Variants in EPB41 observed in about 807,000 individuals in gnomAD.
The protein encoded by EPB41 is erythrocyte membrane protein band 4.1.
A neutral mutation model predicts 108.0 loss-of-function variants in EPB41; 65 were observed. The ratio of observed to expected loss-of-function variants is 0.60; its 90% confidence interval spans 0.49 to 0.74. The LOEUF (loss-of-function observed/expected upper bound fraction) is 0.74. EPB41 is among the 30% of genes least tolerant of loss of function. The pLI, the probability that EPB41 is intolerant of heterozygous loss-of-function variation, is 0.00. For synonymous variants in EPB41, 336 were observed against 358.9 expected (o/e 0.94, Z 0.72); for missense variants, 875 against 1,037.0 (o/e 0.84, Z 2.15).
chr1:28,984,488 C>G (rs2095828527), intron 1 of EPB41, among the ~76,000 whole-genome samples: 4 of 152,092 alleles, frequency 2.6e-5, no homozygotes, highest in Admixed American at 2.6e-4. Context: ...TGTTGTATTT[C>G]TAGCACGTAG....
At chr1:28,974,861 C>A (rs2095566893) in intron 1 of EPB41, among the ~76,000 whole-genome samples, 1 of 150,646 alleles carries the variant, frequency 6.6e-6, no homozygotes, top group Admixed American at 6.6e-5. Flanking sequence ...GTGGCGTGAT[C>A]TTGGCTCACT....
intron 16 of EPB41, among the ~76,000 whole-genome samples, chr1:29,095,016 T>C (rs1357643920): frequency 6.6e-6 from 1 of 152,244 alleles, no homozygotes; most frequent in Non-Finnish European, 1.5e-5. Context: ...TTATACTATA[T>C]TCTTTAGGGA....
chr1:29,037,984 C>G (rs1404766251), intron 10 of EPB41, among the ~76,000 whole-genome samples: 3 of 152,136 alleles, frequency 2.0e-5, no homozygotes, highest in African/African-American at 7.2e-5. Context: ...CACTCCTTCC[C>G]CCTACTTCCG....
At position 29,112,484 on chromosome 1, in the gene EPB41, TC is replaced by T. The variant is rs1403981047; in HGVS notation, c.2496+39del. On this transcript the variant is annotated intron_variant, in intron 19 of 20. Transcript: ENST00000343067. ...TGAAGAGATCTGGGCCTGGGAGGGG[TC>T]CCTGGGCAGGAAGACCGATGAATAC... 5 of 1,574,572 alleles carry T rather than the reference TC, an allele frequency of 3.2e-6. No individual in the cohort carries two copies. In the African/African-American group the frequency reaches 6.8e-5, roughly 21 times the overall value.
intron 1 of EPB41, among the ~76,000 whole-genome samples, chr1:28,985,296 G>GTATT (rs1256465105): frequency 6.6e-6 from 1 of 151,160 alleles, no homozygotes; most frequent in African/African-American, 2.4e-5. Context: ...TATGTGTCAG[G>GTATT]TACTGTTCTA....
chr1:29,072,659 T>C (rs1167211502), intron 16 of EPB41: 1 of 152,136 alleles, frequency 6.6e-6, no homozygotes, highest in Non-Finnish European at 1.5e-5. Flanking sequence ...CTTCTATCAA[T>C]AGGGTAAGAA....
chr1:28,992,427 G>A (rs779647747), intron 2 of EPB41, among the ~76,000 whole-genome samples: 17 of 152,178 alleles, frequency 1.1e-4, no homozygotes, highest in Non-Finnish European at 2.4e-4. Context: ...GGTTGCTCAC[G>A]CCTGTAATCC....
chr1:29,038,635 T>G (rs12049064), intron 10 of EPB41, among the ~76,000 whole-genome samples: 1 of 152,338 alleles, frequency 6.6e-6, no homozygotes, highest in East Asian at 1.9e-4. Flanking sequence ...GCCATGGTCT[T>G]TGTTCTTTAC....
intron 16 of EPB41, among the ~76,000 whole-genome samples, chr1:29,067,615 C>T (rs1351094782): frequency 3.4e-5 from 5 of 147,938 alleles, no homozygotes; most frequent in South Asian, 2.1e-4. Flanking sequence ...TGCAGTGAGC[C>T]GAGATCGCGC....
In EPB41 at chr1:28,971,725, A is replaced by G. The variant is rs182869414; in HGVS notation, c.-7-15706A>G. On this transcript the variant is annotated intron_variant, in intron 1 of 20. Coordinates refer to ENST00000343067, the MANE Select transcript of EPB41 (RefSeq NM_001376013.1). ...TATCTTTCTGAAAGAGCTAATCATCACTATAGACTTCAGTAGCCTATGAGG... is the reference window on the plus strand; with the variant it reads ...TATCTTTCTGAAAGAGCTAATCATCGCTATAGACTTCAGTAGCCTATGAGG... Among the ~76,000 whole-genome samples the G allele has an allele frequency of 3.8e-3, 573 of 152,302 alleles. 6 individuals carry two copies. The highest frequency in any genetic ancestry group is 0.013 in the African/African-American group (531 of 41,578).
intron 1 of EPB41, among the ~76,000 whole-genome samples, chr1:28,968,277 C>T (rs1340546811): frequency 6.6e-6 from 1 of 151,900 alleles, no homozygotes; most frequent in Non-Finnish European, 1.5e-5. Flanking sequence ...ATCTCTTGAA[C>T]CCGGGAGGTG....
Position 28,987,471 on chromosome 1 carries a change from G to A in EPB41, c.34G>A (p.Glu12Lys), listed in dbSNP as rs767272040. ...AGAGAAGAGTTTAGTGACTGAGGCC[G>A]AAAATTCACAGCACCAACAGAAGGA... ...TTEKSLVTEA[E>K]NSQHQQKEEG... The change falls in exon 2 of 21, where the codon GAA (glutamate) becomes AAA (lysine). Residue 12 changes from glutamate to lysine, a missense_variant. This residue lies in a region of EPB41 where 353 missense variants were observed against 393.2 expected (regional missense o/e 0.90). Coordinates refer to ENST00000343067, the MANE Select transcript of EPB41 (RefSeq NM_001376013.1). 11 of 1,613,938 alleles carry A rather than the reference G, an allele frequency of 6.8e-6. No individual in the cohort carries two copies. The highest frequency in any genetic ancestry group is 4.5e-5 in the East Asian group (2 of 44,890).
intron 1 of EPB41, among the ~76,000 whole-genome samples, chr1:28,947,947 TGCA>T: frequency 6.6e-6 from 1 of 152,350 alleles, no homozygotes; most frequent in Middle Eastern, 3.4e-3. Context: ...CTGACTAGAA[TGCA>T]TTTTGGTTTG....
At chr1:29,013,408 T>A (rs2096534300) in intron 5 of EPB41, among the ~76,000 whole-genome samples, 1 of 152,126 alleles carries the variant, frequency 6.6e-6, no homozygotes, top group African/African-American at 2.4e-5. Flanking sequence ...AAACACCATG[T>A]CCCTCACAAA....
At chr1:29,111,060 G>A (rs762713169) in intron 18 of EPB41, among the ~76,000 whole-genome samples, 21 of 151,970 alleles carry the variant, frequency 1.4e-4, no homozygotes, top group Non-Finnish European at 2.6e-4. Flanking sequence ...CCAGCTACTC[G>A]GGAGGCTTAG....
chr1:29,033,211 G>T lies in EPB41; in HGVS notation c.1331G>T (p.Arg444Leu). The change falls in exon 9 of 21, where the codon CGT (arginine) becomes CTT (leucine). Residue 444 changes from arginine to leucine, a missense_variant. Arg to Leu is a moderately radical substitution (Grantham distance 102). Coordinates refer to ENST00000343067, the MANE Select transcript of EPB41 (RefSeq NM_001376013.1). ...AAAGTGCTGAAGATTTCTTATAAAC[G>T]TAGTAGCTTTTTCATCAAGATTCGG... ...WPKVLKISYKRSSFFIKIRPG... is the reference protein window; with the variant it reads ...WPKVLKISYKLSSFFIKIRPG... The T allele has an allele frequency of 1.2e-6, 2 of 1,613,946 alleles. No homozygotes were observed. The highest frequency in any genetic ancestry group is 1.7e-4 in the Middle Eastern group (1 of 6,056).
intron 1 of EPB41, among the ~76,000 whole-genome samples, chr1:28,972,237 A>T (rs2095512279): frequency 6.6e-6 from 1 of 152,208 alleles, no homozygotes; most frequent in South Asian, 2.1e-4. Flanking sequence ...GCCCACTTTG[A>T]CACTTAAAAG....
chr1:29,066,702 T>C (rs1648095787), intron 16 of EPB41, among the ~76,000 whole-genome samples: 1 of 152,110 alleles, frequency 6.6e-6, no homozygotes, highest in Admixed American at 6.5e-5. Flanking sequence ...AGATGGAGTT[T>C]CACTCTTGTT....
At position 29,116,329 on chromosome 1, in the gene EPB41, A is replaced by G. The variant is rs144877927; in HGVS notation, c.*7-490A>G. ...ATGCCCAGCTAATTTTTGTATTTTT[A>G]GTAGAGACGGGGTTTCACCATGTTG... On this transcript the variant is annotated intron_variant, in intron 20 of 20. Transcript: ENST00000343067. Among the ~76,000 whole-genome samples, 342 of 152,012 alleles carry G rather than the reference A, an allele frequency of 2.2e-3. 2 individuals are homozygous for G. The highest frequency in any genetic ancestry group is 7.6e-3 in the African/African-American group (315 of 41,488).
Sources: gnomAD v4.1 joint callset for allele counts (sites outside exome capture counted in the v4.1 genomes callset) on GRCh38, gnomAD v4.1.1 for gene constraint, gnomAD v4.1.1 regional missense constraint, MANE v1.5 for transcripts, NCBI Gene and HGNC (gene_info 2026-07-23, HGNC 2026-07-21) for gene names.